DRD4: variants seen among roughly 807,000 people sequenced by gnomAD.
DRD4 encodes the protein D(4) dopamine receptor.
Under a neutral mutation model 22.1 loss-of-function variants are expected in DRD4, and 26 were observed. The observed-to-expected ratio is 1.17, with a 90% CI of 0.86 to 1.63. The LOEUF is 1.63. DRD4 is among the 40% of genes most tolerant of loss of function. DRD4 has a pLI of 0.00. For missense variants in DRD4, 913 were observed against 632.4 expected (o/e 1.44, Z -4.76); for synonymous variants, 455 against 306.7 (o/e 1.48, Z -5.05).
At position 639,772 on chromosome 11, in the gene DRD4, AACGACGTGCGCGGCCGCG is replaced by A; in HGVS notation, c.526_543del (p.Asp176_Asp181del). On this transcript the variant is annotated inframe_deletion, in exon 3 of 4. Transcript: ENST00000176183. The stretch of plus-strand genomic sequence containing the variant: ...GGCGGCGCCCGTACTGTGCGGCCTC[AACGACGTGCGCGGCCGCG>A]ACCCCGCCGTGTGCCGCCTGGAGGA... The A allele has an allele frequency of 6.3e-7, 1 of 1,576,236 alleles. No homozygotes were observed.
Position 637,409 on chromosome 11 carries a change from G to T in DRD4, c.105G>T (p.Ala35=). ...CTGCGGGGCTGGCTGGGCAGGGCGC[G>T]GCGGCGCTGGTGGGGGGCGTGCTGC... ...GASAGLAGQG[A]AALVGGVLLI... The change falls in exon 1 of 4, where the codon GCG becomes GCT. Residue 35 remains alanine, a synonymous_variant. Transcript: ENST00000176183. 1 of 1,496,532 alleles carries T rather than the reference G, an allele frequency of 6.7e-7. No homozygotes were observed. The highest frequency in any genetic ancestry group is 8.8e-7 in the Non-Finnish European group (1 of 1,130,052). 92.7% of individuals were successfully genotyped at this position (1,496,532 alleles called of 1,614,324 possible).
rs758752437 is a variant in DRD4, at chr11:637,550, C to A, written c.246C>A (p.Leu82=). Residue 82 remains leucine, a synonymous_variant, in exon 1 of 4, where the codon CTC becomes CTA. Coordinates refer to ENST00000176183, the MANE Select transcript of DRD4 (RefSeq NM_000797.4). ...TGAGCCTGGCGGCCGCCGACCTCCTCCTCGCTCTCCTGGTGCTGCCGCTCT... is the reference window on the plus strand; with the variant it reads ...TGAGCCTGGCGGCCGCCGACCTCCTACTCGCTCTCCTGGTGCTGCCGCTCT... ...FIVSLAAADL[L]LALLVLPLFV... The A allele has an allele frequency of 1.3e-5, 20 of 1,557,800 alleles. No individual in the cohort carries two copies. The African/African-American group carries it at 1.8e-4, about 14-fold the overall frequency.
chr11:637,371 TCTGCGGGGG>T lies in DRD4; in HGVS notation c.69_77del (p.Ala24_Ala26del). ...TGGGCGCGGGCCGGCCGCGGGGGCA[TCTGCGGGGG>T]CATCTGCGGGGCTGGCTGGGCAGGG... is the stretch of plus-strand genomic sequence containing the variant. On this transcript the variant is annotated inframe_deletion, in exon 1 of 4. Coordinates refer to ENST00000176183, the MANE Select transcript of DRD4 (RefSeq NM_000797.4). 1 of 1,150,228 alleles carries T rather than the reference TCTGCGGGGG, an allele frequency of 8.7e-7. No individual in the cohort carries two copies. The highest frequency in any genetic ancestry group is 1.1e-6 in the Non-Finnish European group (1 of 907,260). The allele number at this position is 1,150,228 out of a possible 1,614,324, so 71.3% of individuals were successfully genotyped here. A position where few individuals can be genotyped will look rare whatever the true frequency, so the allele number is the denominator to read the frequency against.
rs200686422 is a variant in DRD4 at position 640,187 on chromosome 11, C to T, written c.938C>T (p.Pro313Leu). 6 of 1,531,248 alleles carry T rather than the reference C, an allele frequency of 3.9e-6. No homozygotes were observed. Among genetic ancestry groups the T allele is most frequent in the African/African-American group, 2.7e-5 (2 of 72,916 alleles). 94.9% of individuals were successfully genotyped at this position (1,531,248 alleles called of 1,614,324 possible). A position where few individuals can be genotyped will look rare whatever the true frequency, so the allele number is the denominator to read the frequency against. Residue 313 changes from proline (P) to leucine (L), a missense_variant, in exon 3 of 4, where the codon CCC becomes CTC. By Grantham distance (98) the Pro-to-Leu change is moderately conservative. Transcript: ENST00000176183. ...PDPCGSNCAP[P>L]DAVRAAALPP... is the part of the protein sequence containing the mutation. ...CCCTGCGGCTCCAACTGTGCTCCCC[C>T]CGACGCCGTCAGAGCCGCCGCGCTC...
At chr11:640,334 G>A (rs1423866061) in intron 3 of DRD4, 28 bp downstream of exon 3, 7 of 1,525,874 alleles carry the variant, frequency 4.6e-6, no homozygotes, top group Admixed American at 1.9e-5. Context: ...GGGGCGGGGA[G>A]GAGAGGAGGG....
In DRD4 at chr11:639,797, C is replaced by T. The variant is rs751802823; in HGVS notation, c.548C>T (p.Ala183Val). The T allele has an allele frequency of 1.1e-5, 17 of 1,581,480 alleles. No homozygotes were observed. Among genetic ancestry groups the T allele is most frequent in the Non-Finnish European group, 1.5e-5 (17 of 1,172,062 alleles). Residue 183 changes from alanine to valine, a missense_variant, in exon 3 of 4, where the codon GCC (alanine) becomes GTC (valine). Coordinates refer to ENST00000176183, the MANE Select transcript of DRD4 (RefSeq NM_000797.4). ...AACGACGTGCGCGGCCGCGACCCCG[C>T]CGTGTGCCGCCTGGAGGACCGCGAC... ...GLNDVRGRDP[A>V]VCRLEDRDYV...
At chr11:638,012 G>C (rs955982682) in intron 1 of DRD4, among the ~76,000 whole-genome samples, 1 of 151,830 alleles carries the variant, frequency 6.6e-6, no homozygotes, top group African/African-American at 2.4e-5. Flanking sequence ...CACTGCCACA[G>C]CCACTGCCCA....
intron 3 of DRD4, 42 bp downstream of exon 3, chr11:640,348 G>GA (rs781541553): frequency 3.7e-5 from 57 of 1,532,578 alleles, no homozygotes; most frequent in East Asian, 2.3e-5. Flanking sequence ...AGGAGGGGGG[G>GA]GGTACGAGGC....
At chr11:638,498 G>A (rs1014054901) in intron 1 of DRD4, among the ~76,000 whole-genome samples, 5 of 152,198 alleles carry the variant, frequency 3.3e-5, no homozygotes, top group African/African-American at 1.2e-4. Flanking sequence ...CTTGGAGAGA[G>A]TCACTCCACG....
At position 639,795 on chromosome 11, in the gene DRD4, C is replaced by T. The variant is rs373806229; in HGVS notation, c.546C>T (p.Pro182=). The T allele has an allele frequency of 3.0e-5, 47 of 1,580,930 alleles. No homozygotes were observed. Among genetic ancestry groups the T allele is most frequent in the African/African-American group, 4.1e-5 (3 of 73,004 alleles). ...CGLNDVRGRD[P]AVCRLEDRDY... ...TCAACGACGTGCGCGGCCGCGACCCCGCCGTGTGCCGCCTGGAGGACCGCG... is the reference window on the plus strand; with the variant it reads ...TCAACGACGTGCGCGGCCGCGACCCTGCCGTGTGCCGCCTGGAGGACCGCG... Residue 182 remains proline, a synonymous_variant, in exon 3 of 4, where the codon CCC becomes CCT. Transcript: ENST00000176183.
Position 640,408 on chromosome 11 carries a change from C to G in DRD4, c.1065C>G (p.Phe355Leu). The G allele has an allele frequency of 6.3e-7, 1 of 1,599,516 alleles. No individual in the cohort carries two copies. The highest frequency in any genetic ancestry group is 8.5e-7 in the Non-Finnish European group (1 of 1,179,562). ...MRVLPVVVGA[F>L]LLCWTPFFVV... is the part of the protein sequence containing the mutation. ...GGCTCTCGGCGCCCCCAGGGGCCTT[C>G]CTGCTGTGCTGGACGCCCTTCTTCG... Residue 355 changes from phenylalanine (F) to leucine (L), a missense_variant, in exon 4 of 4, where the codon TTC (phenylalanine) becomes TTG (leucine). Transcript: ENST00000176183.
Position 639,561 on chromosome 11 carries a change from CG to C in DRD4, c.398+17del. 6.9e-7 allele frequency: 1 copy of C among 1,440,918 alleles called. No individual in the cohort carries two copies. The highest frequency in any genetic ancestry group is 1.4e-5 in the South Asian group (1 of 72,478). The allele number at this position is 1,440,918 out of a possible 1,614,324, so 89.3% of individuals were successfully genotyped here. ...GCGTGGACAGGTGCGCCGCCCTCCCCGCCCGCGCCCCGGCGCCCCCGCGCCC... is the reference window on the plus strand; with the variant it reads ...GCGTGGACAGGTGCGCCGCCCTCCCCCCCGCGCCCCGGCGCCCCCGCGCCC... On this transcript the variant is annotated intron_variant, in intron 2 of 3. Transcript: ENST00000176183.
chr11:640,124 C>T lies in DRD4; in HGVS notation c.875C>T (p.Pro292Leu). The T allele has an allele frequency of 7.0e-7, 1 of 1,431,452 alleles. No homozygotes were observed. The highest frequency in any genetic ancestry group is 9.2e-7 in the Non-Finnish European group (1 of 1,091,022). 88.7% of individuals were successfully genotyped at this position (1,431,452 alleles called of 1,614,324 possible). A position where few individuals can be genotyped will look rare whatever the true frequency, so the allele number is the denominator to read the frequency against. The change falls in exon 3 of 4, where the codon CCC (proline) becomes CTC (leucine). Residue 292 changes from proline (P) to leucine (L), a missense_variant. Coordinates refer to ENST00000176183, the MANE Select transcript of DRD4 (RefSeq NM_000797.4). Reference sequence around the variant, plus strand: ...AGCCTCCCCCAGGACCCCTGCGGCCCCGACTGTGCGCCCCCCGCGCCCGGC... The same window carrying T: ...AGCCTCCCCCAGGACCCCTGCGGCCTCGACTGTGCGCCCCCCGCGCCCGGC... ...APSLPQDPCG[P>L]DCAPPAPGLP...
rs1679083585 is a variant in DRD4 at position 640,435 on chromosome 11, G to C, written c.1092G>C (p.Val364=). 3.7e-6 allele frequency: 6 copies of C among 1,600,992 alleles called. No individual in the cohort carries two copies. The African/African-American group carries it at 4.0e-5, about 11-fold the overall frequency. Residue 364 remains valine, a synonymous_variant, in exon 4 of 4, where the codon GTG becomes GTC. Coordinates refer to ENST00000176183, the MANE Select transcript of DRD4 (RefSeq NM_000797.4). ...AFLLCWTPFF[V]VHITQALCPA... is the part of the protein sequence containing the mutation. The stretch of plus-strand genomic sequence containing the variant: ...TGCTGTGCTGGACGCCCTTCTTCGT[G>C]GTGCACATCACGCAGGCGCTGTGTC...
At chr11:637,734 T>G (rs1858096798) in intron 1 of DRD4, 145 bp downstream of exon 1, 1 of 1,424,008 alleles carries the variant, frequency 7.0e-7, no homozygotes, top group Non-Finnish European at 9.5e-7. Context: ...GCCTTGTCCC[T>G]CGGCGATACA....
rs962504136 is a variant in DRD4, at chr11:637,358, G to A, written c.54G>A (p.Pro18=). 5 of 1,298,642 alleles carry A rather than the reference G, an allele frequency of 3.9e-6. No individual in the cohort carries two copies. The highest frequency in any genetic ancestry group is 4.2e-5 in the Admixed American group (1 of 23,534). 80.4% of individuals were successfully genotyped at this position (1,298,642 alleles called of 1,614,324 possible). Residue 18 remains proline, a synonymous_variant, in exon 1 of 4, where the codon CCG becomes CCA. Coordinates refer to ENST00000176183, the MANE Select transcript of DRD4 (RefSeq NM_000797.4). The part of the protein sequence containing the change: ...DADGLLAGRG[P]AAGASAGASA... ...ACGGGCTGCTGGCTGGGCGCGGGCC[G>A]GCCGCGGGGGCATCTGCGGGGGCAT...
rs1032205577 is a variant in DRD4, at chr11:639,683, G to A, written c.434G>A (p.Arg145Gln). ...VAVAVPLRYN[R>Q]QGGSRRQLLL... The stretch of plus-strand genomic sequence containing the variant: ...GTGGCCGTGCCGCTGCGCTACAACC[G>A]GCAGGGTGGGAGCCGCCGGCAGCTG... The change falls in exon 3 of 4, where the codon CGG (arginine) becomes CAG (glutamine). Residue 145 changes from arginine (R) to glutamine (Q), a missense_variant. Arg to Gln is a conservative substitution (Grantham distance 43). Coordinates refer to ENST00000176183, the MANE Select transcript of DRD4 (RefSeq NM_000797.4). 4 of 1,473,392 alleles carry A rather than the reference G, an allele frequency of 2.7e-6. No individual in the cohort carries two copies. Among genetic ancestry groups the A allele is most frequent in the South Asian group, 1.3e-5 (1 of 78,196 alleles). The allele number at this position is 1,473,392 out of a possible 1,614,324, so 91.3% of individuals were successfully genotyped here. A position where few individuals can be genotyped will look rare whatever the true frequency, so the allele number is the denominator to read the frequency against.
Position 640,069 on chromosome 11 carries a change from T to TGTG in DRD4, c.821_822insTGG (p.Gly275dup). ...CGCGCCCGGCCTTCCCCGGGGTCCC[T>TGTG]GCGGCCCCGACTGTGCGCCCGCCGC... On this transcript the variant is annotated inframe_insertion, in exon 3 of 4. Transcript: ENST00000176183. 1.3e-5 allele frequency: 14 copies of TGTG among 1,070,302 alleles called. No homozygotes were observed. In the Admixed American group the frequency reaches 7.9e-4, roughly 60 times the overall value. 66.3% of individuals were successfully genotyped at this position (1,070,302 alleles called of 1,614,324 possible). A position where few individuals can be genotyped will look rare whatever the true frequency, so the allele number is the denominator to read the frequency against.
In DRD4 at chr11:639,562, G is replaced by GCCCGCGCCCCGGCGCC. The variant is rs775045452; in HGVS notation, c.398+29_398+44dup. 2.1e-5 allele frequency: 30 copies of GCCCGCGCCCCGGCGCC among 1,437,142 alleles called. No individual in the cohort carries two copies. Among genetic ancestry groups the GCCCGCGCCCCGGCGCC allele is most frequent in the African/African-American group, 1.2e-4 (8 of 67,052 alleles). The allele number at this position is 1,437,142 out of a possible 1,614,324, so 89.0% of individuals were successfully genotyped here. On this transcript the variant is annotated intron_variant, in intron 2 of 3. Transcript: ENST00000176183. ...CGTGGACAGGTGCGCCGCCCTCCCCGCCCGCGCCCCGGCGCCCCCGCGCCC... is the reference window on the plus strand; with the variant it reads ...CGTGGACAGGTGCGCCGCCCTCCCCGCCCGCGCCCCGGCGCCCCCGCGCCCCGGCGCCCCCGCGCCC...
Sources: allele counts gnomAD v4.1 joint callset (sites outside exome capture counted in the v4.1 genomes callset), GRCh38; gene constraint gnomAD v4.1.1; transcripts MANE v1.5; gene names NCBI Gene and HGNC (gene_info 2026-07-23, HGNC 2026-07-21).